The following CALY variants were observed in gnomAD, a reference collection of about 807,000 sequenced individuals.
The protein encoded by CALY is neuron-specific vesicular protein calcyon.
Under a neutral mutation model 20.2 loss-of-function variants are expected in CALY, and 15 were observed. The observed-to-expected ratio is 0.74, with a 90% CI of 0.50 to 1.14. The LOEUF (loss-of-function observed/expected upper bound fraction) is 1.14. Ranked by LOEUF, CALY falls within the 50% of genes most tolerant of loss-of-function variation. CALY has a pLI of 0.00. For synonymous variants in CALY, 129 were observed against 131.8 expected, an observed-to-expected ratio of 0.98 and a Z score of 0.15; for missense variants, 270 against 304.4, an observed-to-expected ratio of 0.89 and a Z score of 0.84.
chr10:133,328,822 G>A, intron 2 of CALY, 33 bp downstream of exon 2: 1 of 1,525,338 alleles, frequency 6.6e-7, no homozygotes, highest in Non-Finnish European at 8.8e-7. Flanking sequence ...AGGGGAGCCT[G>A]AGAAGGGCCC....
At position 133,325,843 on chromosome 10, in the gene CALY, G is replaced by C. The variant is rs1848194789; in HGVS notation, c.638C>G (p.Pro213Arg). The C allele has an allele frequency of 8.1e-7, 1 of 1,229,316 alleles. No individual in the cohort carries two copies. 76.2% of individuals were successfully genotyped at this position (1,229,316 alleles called of 1,614,324 possible). A position where few individuals can be genotyped will look rare whatever the true frequency, so the allele number is the denominator to read the frequency against. ...AARKAAGSAA[P>R]PPAQ ...CTGGAGACGTCACTGCGCGGGCGGG[G>C]GCGCCGCGCTCCCGGCCGCCTTCCG... is the stretch of plus-strand genomic sequence containing the variant. Residue 213 changes from proline (P) to arginine (R), a missense_variant, in exon 5 of 6, where the codon CCC (proline) becomes CGC (arginine). By Grantham distance (103) the Pro-to-Arg change is moderately radical. Transcript: ENST00000252939.
Position 133,326,122 on chromosome 10 carries a change from T to G in CALY, c.361-2A>C. ...GGTCAGCGGCGTGCAGATCTTGTGC[T>G]GCGGGAGGGGCCGGGTCAGGGTCGG... On this transcript the variant is annotated splice_acceptor_variant, in intron 4 of 5. Transcript: ENST00000252939. LOFTEE classifies it high-confidence loss of function. 6.3e-7 allele frequency: 1 copy of G among 1,594,534 alleles called. No homozygotes were observed.
intron 1 of CALY, 113 bp from the exon 2 acceptor site, chr10:133,329,122 C>G: frequency 1.1e-6 from 1 of 905,562 alleles, no homozygotes; most frequent in Non-Finnish European, 1.6e-6. Flanking sequence ...CACACCAGAG[C>G]CAGGGACAGG....
chr10:133,328,832 C>G lies in CALY; in HGVS notation c.135+23G>C, dbSNP rs201476239. On this transcript the variant is annotated intron_variant, in intron 2 of 5. Transcript: ENST00000252939. ...TTCCCAGGGGAGCCTGAGAAGGGCC[C>G]CCACGCTGGCCCAGGCCCTCACCTG... 54 of 1,535,618 alleles carry G rather than the reference C, an allele frequency of 3.5e-5. No homozygotes were observed. In the East Asian group the frequency reaches 1.2e-3, roughly 34 times the overall value.
chr10:133,330,475 G>A (rs1484120420), intron 1 of CALY, among the ~76,000 whole-genome samples: 3 of 149,634 alleles, frequency 2.0e-5, no homozygotes, highest in African/African-American at 7.4e-5. Flanking sequence ...GGCTAACACG[G>A]TGAAACCCCG....
chr10:133,326,000 T>C lies in CALY; in HGVS notation c.481A>G (p.Thr161Ala), dbSNP rs1848200266. ...YPLSRKHGTE[T>A]PAAWGDGYRA... is the part of the protein sequence containing the mutation. ...TAGCCGTCCCCCCAGGCCGCCGGCG[T>C]CTCCGTGCCGTGCTTGCGGCTCAGC... Residue 161 changes from threonine (T) to alanine (A), a missense_variant, in exon 5 of 6, where the codon ACG (threonine) becomes GCG (alanine). Transcript: ENST00000252939. The C allele has an allele frequency of 6.4e-7, 1 of 1,571,192 alleles. No homozygotes were observed. The highest frequency in any genetic ancestry group is 1.2e-5 in the South Asian group (1 of 86,238).
chr10:133,327,738 G>T (rs1013426620), intron 3 of CALY, 167 bp downstream of exon 3: 2 of 711,886 alleles, frequency 2.8e-6, no homozygotes, highest in Admixed American at 4.0e-5. Context: ...GTGGGTGCAG[G>T]GCAGCCGGTG....
Position 133,326,949 on chromosome 10 carries a change from C to G in CALY, c.289G>C (p.Gly97Arg), listed in dbSNP as rs1848224230. The change falls in exon 4 of 6, where the codon GGC (glycine) becomes CGC (arginine). Residue 97 changes from glycine to arginine, a missense_variant. Transcript: ENST00000252939. ...RMIAFAMALLGCVLIMYKAIW... is the reference protein window; with the variant it reads ...RMIAFAMALLRCVLIMYKAIW... ...GCCTTGTACATGATCAGCACGCAGC[C>G]CAGTAGCGCCATGGCGAAGGCGATC... is the stretch of plus-strand genomic sequence containing the variant. 6.2e-7 allele frequency: 1 copy of G among 1,611,036 alleles called. No individual in the cohort carries two copies. The highest frequency in any genetic ancestry group is 8.5e-7 in the Non-Finnish European group (1 of 1,179,420).
intron 1 of CALY, among the ~76,000 whole-genome samples, chr10:133,330,541 C>T (rs1848287511): frequency 2.1e-5 from 3 of 142,840 alleles, no homozygotes; most frequent in Admixed American, 1.5e-4. Flanking sequence ...GCCTGTAGTC[C>T]CAGCTACTTG....
intron 3 of CALY, chr10:133,327,658 C>A: frequency 1.6e-6 from 1 of 618,038 alleles, no homozygotes; most frequent in Non-Finnish European, 2.9e-6. Context: ...GGGCACTTCC[C>A]AGAAAGAAAA....
intron 1 of CALY, among the ~76,000 whole-genome samples, chr10:133,335,862 G>A (rs1848432263): frequency 6.6e-6 from 1 of 152,194 alleles, no homozygotes; most frequent in Non-Finnish European, 1.5e-5. Context: ...GTGGGATGCT[G>A]ATGGCAGATG....
chr10:133,327,357 C>T (rs756457099), intron 3 of CALY: 1 of 491,480 alleles, frequency 2.0e-6, no homozygotes. Context: ...ACCAGGCCTC[C>T]CAGGTGACTG....
At chr10:133,327,578 AC>A in intron 3 of CALY, 1 of 589,870 alleles carries the variant, frequency 1.7e-6, no homozygotes, top group Non-Finnish European at 3.0e-6. Context: ...AGGAAGTATT[AC>A]ATAGAAAGCC....
chr10:133,326,067 G>A lies in CALY; in HGVS notation c.414C>T (p.Pro138=), dbSNP rs147062311. ...CCGCCAGGATGCTGCGGTGGCGCTC[G>A]GGGTCCATCTCCGTGTAGTACATCT... The part of the protein sequence containing the change: ...TLEMYYTEMD[P]ERHRSILAAI... Residue 138 remains proline, a synonymous_variant, in exon 5 of 6, where the codon CCC becomes CCT. Coordinates refer to ENST00000252939, the MANE Select transcript of CALY (RefSeq NM_015722.4). The A allele has an allele frequency of 2.5e-6, 4 of 1,599,782 alleles. No individual in the cohort carries two copies. In the African/African-American group the frequency reaches 4.0e-5, roughly 16 times the overall value.
intron 1 of CALY, among the ~76,000 whole-genome samples, chr10:133,333,540 GAATCC>G: frequency 6.6e-6 from 1 of 151,400 alleles, no homozygotes; most frequent in South Asian, 2.1e-4. Context: ...GAGGGGGGAA[GAATCC>G]GACTTGGGGA....
intron 5 of CALY, 52 bp from the exon 6 acceptor site, chr10:133,325,618 C>T: frequency 3.2e-6 from 1 of 311,452 alleles, no homozygotes. Flanking sequence ...CAGGGGCTCC[C>T]CGCGGACCCC....
intron 1 of CALY, among the ~76,000 whole-genome samples, chr10:133,330,386 G>A (rs1848283744): frequency 6.8e-6 from 1 of 146,716 alleles, no homozygotes; most frequent in African/African-American, 2.5e-5. Flanking sequence ...GGCAGGGCGC[G>A]GTGGCTCACG....
intron 1 of CALY, among the ~76,000 whole-genome samples, chr10:133,334,859 C>A (rs1437233539): frequency 6.6e-6 from 1 of 152,090 alleles, no homozygotes; most frequent in Admixed American, 6.5e-5. Flanking sequence ...TCATCGCAGG[C>A]GACCCTGTGC....
At chr10:133,327,705 C>T (rs780340845) in intron 3 of CALY, 200 bp downstream of exon 3, 7 of 680,874 alleles carry the variant, frequency 1.0e-5, no homozygotes, top group Non-Finnish European at 1.9e-5. Flanking sequence ...CAGTCTGCAC[C>T]TGCAGCCTCG....
Sources: gnomAD v4.1 joint callset for allele counts (sites outside exome capture counted in the v4.1 genomes callset) on GRCh38, gnomAD v4.1.1 for gene constraint, MANE v1.5 for transcripts, NCBI Gene and HGNC (gene_info 2026-07-23, HGNC 2026-07-21) for gene names.